ITGA9: variants seen among roughly 807,000 people sequenced by gnomAD.
ITGA9 encodes the protein integrin subunit alpha 9, also known as integrin alpha-9.
Under a neutral mutation model 127.8 loss-of-function variants are expected in ITGA9, and 56 were observed. The ratio of observed to expected loss-of-function variants is 0.44; its 90% CI spans 0.35 to 0.55. The LOEUF is 0.55. Ranked by LOEUF, ITGA9 falls within the 20% of genes least tolerant of loss-of-function variation. ITGA9 has a pLI of 0.00. For synonymous variants in ITGA9, 508 were observed against 514.5 expected, an observed-to-expected ratio of 0.99 and a Z score of 0.17; for missense variants, 1,196 against 1,347.1, an observed-to-expected ratio of 0.89 and a Z score of 1.76.
chr3:37,627,548 C>T (rs573507316), intron 15 of ITGA9, among the ~76,000 whole-genome samples: 2 of 152,308 alleles, frequency 1.3e-5, no homozygotes, highest in East Asian at 1.9e-4. Context: ...GCAGTAAAAA[C>T]GGAAACAACA....
At chr3:37,617,472 T>C (rs1456155218) in intron 15 of ITGA9, among the ~76,000 whole-genome samples, 4 of 152,204 alleles carry the variant, frequency 2.6e-5, no homozygotes, top group Admixed American at 6.5e-5. Flanking sequence ...AGTATCTTTG[T>C]GGCATTCTCT....
chr3:37,723,427 C>A (rs1701213049), intron 18 of ITGA9, among the ~76,000 whole-genome samples: 2 of 152,092 alleles, frequency 1.3e-5, no homozygotes, highest in South Asian at 2.1e-4. Flanking sequence ...GTAGTGCGAT[C>A]TCGGCTCACT....
At position 37,814,108 on chromosome 3, in the gene ITGA9, G is replaced by C. The variant is rs958333150; in HGVS notation, c.3010-4783G>C. ...AGACTCTGTGCCTTGTTCCCCCTTAGTGTGAGTCCTGAGTACCCAGCTGTG... is the reference window on the plus strand; with the variant it reads ...AGACTCTGTGCCTTGTTCCCCCTTACTGTGAGTCCTGAGTACCCAGCTGTG... On this transcript the variant is annotated intron_variant, in intron 27 of 27. Coordinates refer to ENST00000264741, the MANE Select transcript of ITGA9 (RefSeq NM_002207.3). The surrounding 1 kb of genome is among the most constrained non-coding windows in gnomAD (Gnocchi z 4.3). Among the ~76,000 whole-genome samples the C allele has an allele frequency of 6.6e-6, 1 of 152,148 alleles. No individual in the cohort carries two copies. Among genetic ancestry groups the C allele is most frequent in the South Asian group, 2.1e-4 (1 of 4,834 alleles).
At chr3:37,479,689 G>A (rs1290745913) in intron 3 of ITGA9, among the ~76,000 whole-genome samples, 1 of 152,188 alleles carries the variant, frequency 6.6e-6, no homozygotes, top group Non-Finnish European at 1.5e-5. Context: ...TGCCCCAGGG[G>A]GTGGGTTTTG....
chr3:37,664,772 C>T (rs897396676), intron 17 of ITGA9, among the ~76,000 whole-genome samples: 2 of 151,948 alleles, frequency 1.3e-5, no homozygotes, highest in African/African-American at 2.4e-5. Flanking sequence ...CAATGGTGAG[C>T]TTACGGCTGG....
intron 6 of ITGA9, among the ~76,000 whole-genome samples, chr3:37,505,568 G>A (rs1698831513): frequency 6.6e-6 from 1 of 152,158 alleles, no homozygotes; most frequent in South Asian, 2.1e-4. Context: ...CATATTGACT[G>A]GGAAAGGGCA....
Position 37,820,780 on chromosome 3 carries a change from G to T in ITGA9, c.*1791G>T, listed in dbSNP as rs1697504201. On this transcript the variant is annotated 3_prime_UTR_variant, in exon 28 of 28. Transcript: ENST00000264741. ...ATGGCTTATTACAGCCTGCCAAAGT[G>T]CCAGCTACATACACATGGCATCCAG... 1 of 152,166 alleles carries T rather than the reference G, an allele frequency of 6.6e-6. No homozygotes were observed. The highest frequency in any genetic ancestry group is 1.5e-5 in the Non-Finnish European group (1 of 68,034). 9.4% of individuals were successfully genotyped at this position (152,166 alleles called of 1,614,324 possible).
At chr3:37,687,733 T>C (rs1167861731) in intron 18 of ITGA9, among the ~76,000 whole-genome samples, 1 of 152,170 alleles carries the variant, frequency 6.6e-6, no homozygotes, top group Non-Finnish European at 1.5e-5. Context: ...TTGCCCTCCA[T>C]TGTGACGTCA....
chr3:37,589,324 A>G (rs1488768116), intron 15 of ITGA9, among the ~76,000 whole-genome samples: 1 of 152,198 alleles, frequency 6.6e-6, no homozygotes. Context: ...TTCATAGAGC[A>G]CCTATCATGT....
intron 12 of ITGA9, among the ~76,000 whole-genome samples, chr3:37,525,243 G>T (rs561337416): frequency 4.6e-5 from 7 of 152,166 alleles, no homozygotes; most frequent in African/African-American, 1.7e-4. Context: ...CCAGGGTCTT[G>T]GTTTATAGCT....
intron 15 of ITGA9, among the ~76,000 whole-genome samples, chr3:37,579,094 C>T (rs1375331619): frequency 6.6e-6 from 1 of 152,146 alleles, no homozygotes; most frequent in Admixed American, 6.5e-5. Flanking sequence ...AAATGGCCTC[C>T]CCAGCAGTGT....
rs146502490 is a variant in ITGA9 at position 37,551,908 on chromosome 3, G to A, written c.1689+9323G>A. Among the ~76,000 whole-genome samples the A allele has an allele frequency of 1.2e-3, 178 of 152,368 alleles. 2 individuals carry two copies. The highest frequency in any genetic ancestry group is 0.011 in the Admixed American group (173 of 15,308). On this transcript the variant is annotated intron_variant, in intron 15 of 27. Coordinates refer to ENST00000264741, the MANE Select transcript of ITGA9 (RefSeq NM_002207.3). ...TGAATGAAGACGGATGAGCCGTGTGGACACAGCCACACTATGTTTTCGTGA... is the reference window on the plus strand; with the variant it reads ...TGAATGAAGACGGATGAGCCGTGTGAACACAGCCACACTATGTTTTCGTGA...
chr3:37,567,886 C>T (rs1699563162), intron 15 of ITGA9, among the ~76,000 whole-genome samples: 1 of 152,164 alleles, frequency 6.6e-6, no homozygotes, highest in Admixed American at 6.5e-5. Flanking sequence ...CATTGAGTAT[C>T]TGTGGCTTTT....
At chr3:37,747,551 T>C (rs1001423296) in intron 22 of ITGA9, among the ~76,000 whole-genome samples, 1 of 137,198 alleles carries the variant, frequency 7.3e-6, no homozygotes, top group African/African-American at 2.7e-5. Flanking sequence ...ATCCCCCCAT[T>C]ATCCTTCCCA....
intron 22 of ITGA9, chr3:37,749,300 G>A: frequency 6.3e-6 from 1 of 158,732 alleles, no homozygotes; most frequent in Non-Finnish European, 1.4e-5. Flanking sequence ...CCCTATATAA[G>A]GACTCTTGTG....
At chr3:37,729,923 C>G (rs1397189769) in intron 18 of ITGA9, among the ~76,000 whole-genome samples, 1 of 152,016 alleles carries the variant, frequency 6.6e-6, no homozygotes, top group East Asian at 1.9e-4. Flanking sequence ...AGGATGGTCT[C>G]AATTTCTTGA....
intron 23 of ITGA9, among the ~76,000 whole-genome samples, chr3:37,763,979 AC>A (rs1351365874): frequency 6.6e-6 from 1 of 152,074 alleles, no homozygotes; most frequent in Non-Finnish European, 1.5e-5. Context: ...CCAACCCTCT[AC>A]CTTTGGACAG....
chr3:37,815,497 T>C (rs959375920), intron 27 of ITGA9, among the ~76,000 whole-genome samples: 1 of 151,784 alleles, frequency 6.6e-6, no homozygotes, highest in African/African-American at 2.4e-5. Context: ...CAGTCCCAGC[T>C]ACTCGAGAGG....
At chr3:37,453,124 C>A (rs919390603) in intron 1 of ITGA9, among the ~76,000 whole-genome samples, 1 of 151,250 alleles carries the variant, frequency 6.6e-6, no homozygotes, top group African/African-American at 2.4e-5. Context: ...CGCCCCCCCC[C>A]CCCCCCAGCT....
Sources: gnomAD v4.1 joint callset for allele counts (sites outside exome capture counted in the v4.1 genomes callset) on GRCh38, gnomAD v4.1.1 for gene constraint, Gnocchi (gnomAD v3.1) non-coding constraint, MANE v1.5 for transcripts, NCBI Gene and HGNC (gene_info 2026-07-23, HGNC 2026-07-21) for gene names.